Variants in CDHR1 observed in about 807,000 individuals in gnomAD.
CDHR1 encodes cadherin-related family member 1.
Under a neutral mutation model 72.1 loss-of-function variants are expected in CDHR1, and 61 were observed. That is an observed-to-expected ratio of 0.85 (90% CI 0.69 to 1.05). The LOEUF (loss-of-function observed/expected upper bound fraction) is 1.05. CDHR1 is among the 50% of genes least tolerant of loss of function. The pLI is 0.00. For missense variants in CDHR1, 1,186 were observed against 1,115.7 expected, an observed-to-expected ratio of 1.06 and a Z score of -0.90; for synonymous variants, 470 against 448.1, an observed-to-expected ratio of 1.05 and a Z score of -0.62.
chr10:84,216,711 G>C lies in CDHR1; in HGVS notation c.*2090G>C. The C allele has an allele frequency of 1.0e-6, 1 of 985,482 alleles. No homozygotes were observed. Among genetic ancestry groups the C allele is most frequent in the Non-Finnish European group, 1.2e-6 (1 of 829,944 alleles). The allele number at this position is 985,482 out of a possible 1,614,324, so 61.0% of individuals were successfully genotyped here. A position where few individuals can be genotyped will look rare whatever the true frequency, so the allele number is the denominator to read the frequency against. On this transcript the variant is annotated 3_prime_UTR_variant, in exon 17 of 17. Transcript: ENST00000623527. ...GTCCAAATTGCCATGCAGATATCTTGAACAGCAGGACATTTGCAGGCCTTG... is the reference window on the plus strand; with the variant it reads ...GTCCAAATTGCCATGCAGATATCTTCAACAGCAGGACATTTGCAGGCCTTG...
intron 12 of CDHR1, 132 bp from the exon 13 acceptor site, chr10:84,210,869 G>T: frequency 1.0e-6 from 1 of 973,474 alleles, no homozygotes; most frequent in Admixed American, 1.7e-5. Context: ...AGGAATAGCT[G>T]GTTGGCAGCT....
rs1392328449 is a variant in CDHR1 at position 84,218,060 on chromosome 10, C to T, written c.*3439C>T. ...GGGAATCCAAGGCCAGTCCACCTGC[C>T]AGGGGTGTTGGCATCTGTTGACAGG... On this transcript the variant is annotated 3_prime_UTR_variant, in exon 17 of 17. Coordinates refer to ENST00000623527, the MANE Select transcript of CDHR1 (RefSeq NM_033100.4). 4.1e-6 allele frequency: 4 copies of T among 985,360 alleles called. No homozygotes were observed. The highest frequency in any genetic ancestry group is 6.1e-5 in the Admixed American group (1 of 16,272). The allele number at this position is 985,360 out of a possible 1,614,324, so 61.0% of individuals were successfully genotyped here.
Position 84,216,845 on chromosome 10 carries a change from CCCGGCA to C in CDHR1, c.*2225_*2230del. On this transcript the variant is annotated 3_prime_UTR_variant, in exon 17 of 17. Coordinates refer to ENST00000623527, the MANE Select transcript of CDHR1 (RefSeq NM_033100.4). Reference sequence around the variant, plus strand: ...CCACTCTCCCACCCTACCAGTGCAGCCCGGCAAGGGCAGGAATTGGGAGGCCTAGGG... The same window carrying C: ...CCACTCTCCCACCCTACCAGTGCAGCAGGGCAGGAATTGGGAGGCCTAGGG... 1.0e-6 allele frequency: 1 copy of C among 985,508 alleles called. No homozygotes were observed. Among genetic ancestry groups the C allele is most frequent in the African/African-American group, 1.7e-5 (1 of 57,368 alleles). 61.0% of individuals were successfully genotyped at this position (985,508 alleles called of 1,614,324 possible).
In CDHR1 at chr10:84,214,068, G is replaced by A. The variant is rs746398971; in HGVS notation, c.2041-14G>A. The A allele has an allele frequency of 3.7e-6, 6 of 1,614,018 alleles. No individual in the cohort carries two copies. The South Asian group carries it at 6.6e-5, about 18-fold the overall frequency. On this transcript the variant is annotated splice_polypyrimidine_tract_variant and intron_variant, in intron 16 of 16. Coordinates refer to ENST00000623527, the MANE Select transcript of CDHR1 (RefSeq NM_033100.4). ...TGGGAACAGCTGAGTGCAGGGAGTGGCTTTCTCTTTCAGACCCTCTCCCGG... is the reference window on the plus strand; with the variant it reads ...TGGGAACAGCTGAGTGCAGGGAGTGACTTTCTCTTTCAGACCCTCTCCCGG...
In CDHR1 at chr10:84,200,676, T is replaced by C; in HGVS notation, c.514T>C (p.Tyr172His). ...RDTGSGGSVTYFLQNLHSPFA... is the reference protein window; with the variant it reads ...RDTGSGGSVTHFLQNLHSPFA... ...CACAGGCTCTGGAGGGAGTGTCACC[T>C]ACTTCCTGCAGGTAAGGCAGGACAC... The change falls in exon 6 of 17, where the codon TAC becomes CAC. Residue 172 changes from tyrosine to histidine, a missense_variant. By Grantham distance (83) the Tyr-to-His change is moderately conservative (BLOSUM62 2). Transcript: ENST00000623527. 1 of 1,609,942 alleles carries C rather than the reference T, an allele frequency of 6.2e-7. No homozygotes were observed. Among genetic ancestry groups the C allele is most frequent in the Admixed American group, 1.7e-5 (1 of 59,594 alleles).
rs750609367 is a variant in CDHR1, at chr10:84,214,285, C to T, written c.2244C>T (p.Pro748=). The change falls in exon 17 of 17, where the codon CCC becomes CCT. Residue 748 remains proline (P), a synonymous_variant. Transcript: ENST00000623527. ...TCCGCAAGCGGCCCAGCCCTGCGCC[C>T]CGCACCATCCGCATTGAGTGGCTCA... The part of the protein sequence containing the change: ...RVLRKRPSPA[P]RTIRIEWLKS... The T allele has an allele frequency of 2.5e-6, 4 of 1,613,904 alleles. No individual in the cohort carries two copies. In the South Asian group the frequency reaches 4.4e-5, roughly 18 times the overall value.
chr10:84,198,390 C>T (rs565686994), intron 4 of CDHR1, among the ~76,000 whole-genome samples: 3 of 152,214 alleles, frequency 2.0e-5, no homozygotes, highest in Non-Finnish European at 4.4e-5. Context: ...CAGGACTCCT[C>T]GTTGGGCACC....
At chr10:84,197,701 TG>T in intron 3 of CDHR1, 84 bp from the exon 4 acceptor site, 1 of 1,258,546 alleles carries the variant, frequency 7.9e-7, no homozygotes, top group Non-Finnish European at 1.2e-6. Context: ...GATGGGTGCG[TG>T]GGGCAGGGAG....
At position 84,214,891 on chromosome 10, in the gene CDHR1, T is replaced by C. The variant is rs1842403417; in HGVS notation, c.*270T>C. The C allele has an allele frequency of 7.1e-7, 1 of 1,409,812 alleles. No individual in the cohort carries two copies. Among genetic ancestry groups the C allele is most frequent in the African/African-American group, 1.4e-5 (1 of 69,356 alleles). The allele number at this position is 1,409,812 out of a possible 1,614,324, so 87.3% of individuals were successfully genotyped here. On this transcript the variant is annotated 3_prime_UTR_variant, in exon 17 of 17. Transcript: ENST00000623527. ...CCGTTACTCAAATCCTTGGCACTAC[T>C]ACAATGCCCTCCATTCTTCAGGGCT...
intron 2 of CDHR1, 111 bp from the exon 3 acceptor site, chr10:84,196,394 T>A: frequency 1.7e-6 from 2 of 1,205,376 alleles, no homozygotes; most frequent in Non-Finnish European, 2.5e-6. Flanking sequence ...CCTTTGGCAC[T>A]GAGTTGAATA....
At chr10:84,204,411 G>A (rs1842185834) in intron 8 of CDHR1, 116 bp from the exon 9 acceptor site, 6 of 787,910 alleles carry the variant, frequency 7.6e-6, no homozygotes, top group Non-Finnish European at 9.2e-6. Context: ...GCCACGTAGA[G>A]GCCTGACCCT....
chr10:84,219,320 C>T (rs1842474107), downstream of CDHR1: 3 of 1,543,302 alleles, frequency 1.9e-6, no homozygotes, highest in Non-Finnish European at 2.6e-6. Flanking sequence ...CATTTTCCCT[C>T]TCCCTAAATT....
rs1014147729 is a variant in CDHR1, at chr10:84,195,377, G to A, written c.56-117G>A. On this transcript the variant is annotated intron_variant, in intron 1 of 16. Transcript: ENST00000623527. Reference sequence around the variant, plus strand: ...TCGGTGCACTTGGGTTGGGGAGGCGGAGCGCCCTCCTGCCCAGTAGCTGGG... The same window carrying A: ...TCGGTGCACTTGGGTTGGGGAGGCGAAGCGCCCTCCTGCCCAGTAGCTGGG... The A allele has an allele frequency of 1.5e-5, 14 of 958,300 alleles. No individual in the cohort carries two copies. The African/African-American group carries it at 1.8e-4, about 12-fold the overall frequency. 59.4% of individuals were successfully genotyped at this position (958,300 alleles called of 1,614,324 possible). A position where few individuals can be genotyped will look rare whatever the true frequency, so the allele number is the denominator to read the frequency against.
In CDHR1 at chr10:84,218,247, G is replaced by A. The variant is rs1842457677; in HGVS notation, c.*3626G>A. ...AACCTAGGGAGGGGTTCTCTGAAGG[G>A]CCTAGTTTCCAGAATGAGGCGGTCA... On this transcript the variant is annotated 3_prime_UTR_variant, in exon 17 of 17. Transcript: ENST00000623527. 1.0e-6 allele frequency: 1 copy of A among 985,318 alleles called. No individual in the cohort carries two copies. Among genetic ancestry groups the A allele is most frequent in the African/African-American group, 1.7e-5 (1 of 57,232 alleles). The allele number at this position is 985,318 out of a possible 1,614,324, so 61.0% of individuals were successfully genotyped here.
In CDHR1 at chr10:84,194,719, C is replaced by T. The variant is rs1190566119; in HGVS notation, c.-42C>T. The T allele has an allele frequency of 6.9e-7, 1 of 1,452,520 alleles. No individual in the cohort carries two copies. Among genetic ancestry groups the T allele is most frequent in the African/African-American group, 1.5e-5 (1 of 67,192 alleles). 90.0% of individuals were successfully genotyped at this position (1,452,520 alleles called of 1,614,324 possible). ...AGGGCATGCTCCGTGCCCCTGCGCC[C>T]GGTCTCGGCGGCGGCAGGCGACACT... On this transcript the variant is annotated 5_prime_UTR_variant, in exon 1 of 17. Coordinates refer to ENST00000623527, the MANE Select transcript of CDHR1 (RefSeq NM_033100.4).
chr10:84,194,660 C>G lies in CDHR1; in HGVS notation c.-101C>G. 1 of 852,246 alleles carries G rather than the reference C, an allele frequency of 1.2e-6. No individual in the cohort carries two copies. Among genetic ancestry groups the G allele is most frequent in the South Asian group, 2.2e-5 (1 of 46,366 alleles). 52.8% of individuals were successfully genotyped at this position (852,246 alleles called of 1,614,324 possible). Reference sequence around the variant, plus strand: ...CCCGCCGCGGCTGCAGTCGCCGCTACCCCCATTGTGGTCTCTGCCCTCCCC... The same window carrying G: ...CCCGCCGCGGCTGCAGTCGCCGCTAGCCCCATTGTGGTCTCTGCCCTCCCC... On this transcript the variant is annotated 5_prime_UTR_variant, in exon 1 of 17. Transcript: ENST00000623527.
At position 84,214,636 on chromosome 10, in the gene CDHR1, C is replaced by G. The variant is rs1193305836; in HGVS notation, c.*15C>G. On this transcript the variant is annotated 3_prime_UTR_variant, in exon 17 of 17. Coordinates refer to ENST00000623527, the MANE Select transcript of CDHR1 (RefSeq NM_033100.4). Reference sequence around the variant, plus strand: ...CTTACTTCTAGTGTATGCCCTATGACCCCCCATCTTTCCTCCGCCCCTGAC... The same window carrying G: ...CTTACTTCTAGTGTATGCCCTATGAGCCCCCATCTTTCCTCCGCCCCTGAC... The G allele has an allele frequency of 6.3e-7, 1 of 1,598,672 alleles. No individual in the cohort carries two copies. Among genetic ancestry groups the G allele is most frequent in the Non-Finnish European group, 8.5e-7 (1 of 1,179,126 alleles).
At position 84,217,181 on chromosome 10, in the gene CDHR1, C is replaced by T. The variant is rs886047348; in HGVS notation, c.*2560C>T. The T allele has an allele frequency of 1.7e-5, 17 of 985,438 alleles. No individual in the cohort carries two copies. The highest frequency in any genetic ancestry group is 1.1e-4 in the East Asian group (1 of 8,824). 61.0% of individuals were successfully genotyped at this position (985,438 alleles called of 1,614,324 possible). A position where few individuals can be genotyped will look rare whatever the true frequency, so the allele number is the denominator to read the frequency against. On this transcript the variant is annotated 3_prime_UTR_variant, in exon 17 of 17. Transcript: ENST00000623527. Reference sequence around the variant, plus strand: ...TGAGGCCAGCCAAGTCCCTGTGTTACGAATGGTGGGCCAAGGGGCTGTCTG... The same window carrying T: ...TGAGGCCAGCCAAGTCCCTGTGTTATGAATGGTGGGCCAAGGGGCTGTCTG...
In CDHR1 at chr10:84,212,302, A is replaced by T. The variant is rs1564664840; in HGVS notation, c.1677A>T (p.Val559=). Residue 559 remains valine (V), a synonymous_variant, in exon 15 of 17, where the codon GTA becomes GTT. Transcript: ENST00000623527. ...AGGACATGGAAGGCAAGTACAGCGT[A>T]GCTGAGGTGTTTATCACACTGCTGG... is the stretch of plus-strand genomic sequence containing the variant. ...KAEDMEGKYS[V]AEVFITLLDV... The T allele has an allele frequency of 2.5e-6, 4 of 1,614,260 alleles. No individual in the cohort carries two copies. The South Asian group carries it at 4.4e-5, about 18-fold the overall frequency.
Sources: allele counts gnomAD v4.1 joint callset (sites outside exome capture counted in the v4.1 genomes callset), GRCh38; gene constraint gnomAD v4.1.1; transcripts MANE v1.5; gene names NCBI Gene and HGNC (gene_info 2026-07-23, HGNC 2026-07-21).